CLASP2: variants seen among roughly 807,000 people sequenced by gnomAD.
CLASP2 encodes CLIP-associating protein 2.
Under a neutral mutation model 194.4 loss-of-function variants are expected in CLASP2, and 47 were observed. The observed-to-expected ratio is 0.24, with a 90% CI of 0.19 to 0.31. The LOEUF (loss-of-function observed/expected upper bound fraction) is 0.31. Among genes scored for constraint, CLASP2 ranks in the 10% least tolerant of loss-of-function variants. The pLI, the probability that CLASP2 is intolerant of heterozygous loss-of-function variation, is 1.00. For synonymous variants in CLASP2, 619 were observed against 633.5 expected (o/e 0.98, Z 0.34); for missense variants, 1,445 against 1,823.6 (o/e 0.79, Z 3.78).
intron 23 of CLASP2, among the ~76,000 whole-genome samples, chr3:33,577,576 G>GT (rs2065166919): frequency 6.6e-6 from 1 of 152,100 alleles, no homozygotes. Context: ...AACCACTATG[G>GT]TAACTAGTAA....
intron 33 of CLASP2, among the ~76,000 whole-genome samples, chr3:33,537,134 C>A (rs1416153546): frequency 6.6e-6 from 1 of 152,120 alleles, no homozygotes; most frequent in South Asian, 2.1e-4. Context: ...GGGATTTGAA[C>A]TCATTTCCCA....
chr3:33,717,737 G>T, intron 1 of CLASP2, 71 bp downstream of exon 1: 2 of 1,491,300 alleles, frequency 1.3e-6, no homozygotes, highest in Non-Finnish European at 1.8e-6. Flanking sequence ...TTCCCGGCCC[G>T]GCGCTCGCGT....
chr3:33,519,162 T>A (rs547738707), intron 34 of CLASP2, among the ~76,000 whole-genome samples: 1 of 152,142 alleles, frequency 6.6e-6, no homozygotes, highest in East Asian at 1.9e-4. Flanking sequence ...ACAATTCTGA[T>A]AATATTTTTG....
At chr3:33,691,104 C>T (rs2091301853) in intron 2 of CLASP2, among the ~76,000 whole-genome samples, 2 of 152,200 alleles carry the variant, frequency 1.3e-5, no homozygotes, top group Non-Finnish European at 2.9e-5. Context: ...CACTCATCTC[C>T]TGCTATGCAG....
intron 21 of CLASP2, among the ~76,000 whole-genome samples, chr3:33,587,434 T>C (rs2067664727): frequency 6.6e-6 from 1 of 152,212 alleles, no homozygotes; most frequent in African/African-American, 2.4e-5. Flanking sequence ...GATCTGTGAT[T>C]CTTACTACAG....
intron 7 of CLASP2, among the ~76,000 whole-genome samples, chr3:33,655,911 C>T (rs1206259937): frequency 1.3e-5 from 2 of 152,246 alleles, no homozygotes; most frequent in East Asian, 3.9e-4. Context: ...AATCTATTTA[C>T]AACAAAACCT....
chr3:33,604,486 T>G (rs2073246527), intron 16 of CLASP2, among the ~76,000 whole-genome samples: 1 of 152,080 alleles, frequency 6.6e-6, no homozygotes, highest in Admixed American at 6.5e-5. Context: ...GCGTGGCTAA[T>G]TTTTAAATTT....
chr3:33,690,307 A>G (rs2091202098), intron 2 of CLASP2, among the ~76,000 whole-genome samples: 1 of 152,146 alleles, frequency 6.6e-6, no homozygotes, highest in African/African-American at 2.4e-5. Context: ...AATTACCACT[A>G]CCATTTAGTG....
At chr3:33,619,550 G>C in intron 12 of CLASP2, 53 bp downstream of exon 12, 1 of 1,391,854 alleles carries the variant, frequency 7.2e-7, no homozygotes, top group Non-Finnish European at 9.4e-7. Flanking sequence ...GGAGGAAGAA[G>C]AAACAAAAGT....
chr3:33,638,270 A>G (rs1411844132), intron 8 of CLASP2, among the ~76,000 whole-genome samples: 2 of 152,128 alleles, frequency 1.3e-5, no homozygotes, highest in Non-Finnish European at 2.9e-5. Flanking sequence ...TGATTTAACA[A>G]TGAGAATGAT....
chr3:33,529,713 G>A (rs1479033333), intron 34 of CLASP2, among the ~76,000 whole-genome samples: 1 of 152,106 alleles, frequency 6.6e-6, no homozygotes, highest in African/African-American at 2.4e-5. Context: ...CGGGCGCGGT[G>A]GCTCACGCCT....
At position 33,684,447 on chromosome 3, in the gene CLASP2, C is replaced by T. The variant is rs143808559; in HGVS notation, c.556G>A (p.Ala186Thr). The T allele has an allele frequency of 9.5e-6, 15 of 1,585,732 alleles. No individual in the cohort carries two copies. The African/African-American group carries it at 1.5e-4, about 16-fold the overall frequency. Reference protein sequence around the residue: ...FGDSNSQVRDAAILAIVEIYR... With the variant: ...FGDSNSQVRDTAILAIVEIYR... ...ATCTCCACTATAGCCAATATTGCAG[C>T]ATCTCTCACCTGTCAAAGAATTCAG... The change falls in exon 6 of 39, where the codon GCT becomes ACT. Residue 186 changes from alanine to threonine, a missense_variant. Physicochemically the swap from Ala to Thr is moderately conservative, Grantham distance 58. Transcript: ENST00000682230.
At chr3:33,613,361 T>C (rs1426908317) in intron 12 of CLASP2, among the ~76,000 whole-genome samples, 6 of 152,158 alleles carry the variant, frequency 3.9e-5, no homozygotes, top group Admixed American at 3.9e-4. Context: ...TACTTCCACA[T>C]CAATCAGTTA....
intron 31 of CLASP2, 30 bp from the exon 32 acceptor site, chr3:33,543,569 A>T (rs771806996): frequency 1.5e-6 from 2 of 1,348,434 alleles, no homozygotes; most frequent in East Asian, 4.6e-5. Flanking sequence ...AAATATTAAC[A>T]TATTACAGGT....
rs1464310718 is a variant in CLASP2 at position 33,645,487 on chromosome 3, T to G, written c.716-584A>C. On this transcript the variant is annotated intron_variant, in intron 7 of 38. Coordinates refer to ENST00000682230, the MANE Select transcript of CLASP2 (RefSeq NM_001365631.1). ...TTTTCTTTCTCTTCCCTGCCCTAGG[T>G]GCTGTAACAGCCAATCAGCTACAAG... 34 of 589,062 alleles carry G rather than the reference T, an allele frequency of 5.8e-5. No homozygotes were observed. The East Asian group carries it at 8.5e-4, about 15-fold the overall frequency. The allele number at this position is 589,062 out of a possible 1,614,324, so 36.5% of individuals were successfully genotyped here. A position where few individuals can be genotyped will look rare whatever the true frequency, so the allele number is the denominator to read the frequency against.
intron 31 of CLASP2, 72 bp downstream of exon 31, chr3:33,544,626 T>C (rs2058866714): frequency 7.2e-7 from 1 of 1,390,502 alleles, no homozygotes; most frequent in South Asian, 1.4e-5. Context: ...GTTTACTTCG[T>C]ATAAAAGAAA....
At chr3:33,659,255 T>C (rs1281258921) in intron 7 of CLASP2, 7 of 1,261,504 alleles carry the variant, frequency 5.5e-6, no homozygotes, top group South Asian at 6.6e-5. Context: ...GCTGCACATA[T>C]GCTGTTGGAT....
At chr3:33,524,061 A>G (rs1252212610) in intron 34 of CLASP2, among the ~76,000 whole-genome samples, 1 of 152,220 alleles carries the variant, frequency 6.6e-6, no homozygotes, top group Non-Finnish European at 1.5e-5. Context: ...CAGAAAACAA[A>G]TAGCAACATG....
chr3:33,645,263 C>G, intron 7 of CLASP2: 1 of 765,286 alleles, frequency 1.3e-6, no homozygotes, highest in Non-Finnish European at 2.4e-6. Flanking sequence ...ATTCCTTATA[C>G]CCAGATTCTG....
Sources: gnomAD v4.1 joint callset for allele counts (sites outside exome capture counted in the v4.1 genomes callset) on GRCh38, gnomAD v4.1.1 for gene constraint, MANE v1.5 for transcripts, NCBI Gene and HGNC (gene_info 2026-07-23, HGNC 2026-07-21) for gene names.